Variants in FBXO11 observed in about 807,000 individuals in gnomAD.
FBXO11 encodes the protein F-box protein 11, also known as F-box only protein 11.
In FBXO11, 13 loss-of-function variants were observed where a neutral mutation model predicts 117.0. The observed-to-expected ratio is 0.11, with a 90% CI of 0.07 to 0.18. FBXO11 has a LOEUF of 0.18. Among genes scored for constraint, FBXO11 ranks in the 10% least tolerant of loss-of-function variants. The pLI is 1.00. For missense variants in FBXO11, 767 were observed against 1,164.4 expected, an observed-to-expected ratio of 0.66 and a Z score of 4.97; for synonymous variants, 490 against 380.5, an observed-to-expected ratio of 1.29 and a Z score of -3.35.
rs572883435 is a variant in FBXO11, at chr2:47,832,479, T to C, written c.1268A>G (p.Tyr423Cys). The C allele has an allele frequency of 6.2e-7, 1 of 1,613,062 alleles. No homozygotes were observed. Among genetic ancestry groups the C allele is most frequent in the East Asian group, 2.2e-5 (1 of 44,846 alleles). The part of the protein sequence containing the change: ...LYITDHAQGI[Y>C]EDNEISNNAL... ...ATTATTGGAAATTTCATTATCCTCATATATTCCCTACAACAAGTTATCAGA... is the reference window on the plus strand; with the variant it reads ...ATTATTGGAAATTTCATTATCCTCACATATTCCCTACAACAAGTTATCAGA... Residue 423 changes from tyrosine (Y) to cysteine (C), a missense_variant, in exon 11 of 23, where the codon TAT becomes TGT. By Grantham distance (194) the Tyr-to-Cys change is radical. This residue lies in a region of FBXO11 where 33 missense variants were observed against 66.1 expected (regional missense o/e 0.50). Coordinates refer to ENST00000403359, the MANE Select transcript of FBXO11 (RefSeq NM_001190274.2).
chr2:47,859,338 T>C (rs1674575233), intron 1 of FBXO11, among the ~76,000 whole-genome samples: 1 of 152,168 alleles, frequency 6.6e-6, no homozygotes, highest in Non-Finnish European at 1.5e-5. Flanking sequence ...TTTAGAGAAC[T>C]TGTGCCAAAG....
At chr2:47,861,761 G>A (rs913508709) in intron 1 of FBXO11, among the ~76,000 whole-genome samples, 3 of 152,132 alleles carry the variant, frequency 2.0e-5, no homozygotes, top group Admixed American at 2.0e-4. Flanking sequence ...ATACAAACAA[G>A]GATGACGGAT....
chr2:47,876,518 GAGTAT>G (rs991224710), intron 1 of FBXO11, among the ~76,000 whole-genome samples: 1 of 152,174 alleles, frequency 6.6e-6, no homozygotes, highest in Non-Finnish European at 1.5e-5. Context: ...TAGTTTAAAT[GAGTAT>G]AGAATCAAGG....
In FBXO11 at chr2:47,808,006, T is replaced by C. The variant is rs1670344536; in HGVS notation, c.*112A>G. On this transcript the variant is annotated 3_prime_UTR_variant, in exon 23 of 23. Coordinates refer to ENST00000403359, the MANE Select transcript of FBXO11 (RefSeq NM_001190274.2). ...AGTGTCAACTGACCTTGTGTATCCATTTTTAATACAGTCTCTTCCTGTAGC... is the reference window on the plus strand; with the variant it reads ...AGTGTCAACTGACCTTGTGTATCCACTTTTAATACAGTCTCTTCCTGTAGC... The C allele has an allele frequency of 5.0e-6, 5 of 997,238 alleles. No homozygotes were observed. 61.8% of individuals were successfully genotyped at this position (997,238 alleles called of 1,614,324 possible).
chr2:47,899,017 G>A (rs575957811), intron 1 of FBXO11, among the ~76,000 whole-genome samples: 1 of 152,174 alleles, frequency 6.6e-6, no homozygotes, highest in East Asian at 1.9e-4. Flanking sequence ...GCTCATGCCT[G>A]TAATCCCAGC....
At chr2:47,818,119 C>A (rs1476774894) in intron 16 of FBXO11, among the ~76,000 whole-genome samples, 2 of 152,006 alleles carry the variant, frequency 1.3e-5, no homozygotes, top group African/African-American at 2.4e-5. Flanking sequence ...CCGTCTCAAA[C>A]AAACAAAAAG....
At chr2:47,839,522 T>C (rs780980372) in intron 2 of FBXO11, 22 bp from the exon 3 acceptor site, 3 of 1,610,926 alleles carry the variant, frequency 1.9e-6, no homozygotes, top group Non-Finnish European at 2.5e-6. Flanking sequence ...AAACAGAAAC[T>C]AGTAAAGCAA....
Position 47,880,569 on chromosome 2 carries a change from G to T in FBXO11, c.232+24920C>A, listed in dbSNP as rs909548516. Reference sequence around the variant, plus strand: ...TTTCATTTGTTGAAGCTTGTTTGGCGTCTTTCACATAAACATTTCCTGCTA... The same window carrying T: ...TTTCATTTGTTGAAGCTTGTTTGGCTTCTTTCACATAAACATTTCCTGCTA... On this transcript the variant is annotated intron_variant, in intron 1 of 22. Transcript: ENST00000403359. Among the ~76,000 whole-genome samples the T allele has an allele frequency of 2.0e-5, 3 of 152,024 alleles. No homozygotes were observed. In the South Asian group the frequency reaches 6.2e-4, roughly 32 times the overall value.
intron 1 of FBXO11, among the ~76,000 whole-genome samples, chr2:47,886,711 T>C (rs981063209): frequency 3.9e-5 from 6 of 152,224 alleles, no homozygotes; most frequent in Middle Eastern, 6.8e-3. Context: ...TTTATACTGA[T>C]ACAGAAAAAT....
At chr2:47,842,812 A>T (rs1673114459) in intron 1 of FBXO11, among the ~76,000 whole-genome samples, 1 of 150,224 alleles carries the variant, frequency 6.7e-6, no homozygotes, top group Non-Finnish European at 1.5e-5. Context: ...ACAGGGTCTC[A>T]CTTTGTCACC....
In FBXO11 at chr2:47,905,571, C is replaced by T. The variant is rs1678733696; in HGVS notation, c.150G>A (p.Gln50=). ...GCGGAGGCTGCTGCTGCTGCTGCTG[C>T]TGCGGCGGCGGCGGAGGCTGCTGCT... is the stretch of plus-strand genomic sequence containing the variant. ...PPQQQPPPPP[Q]QQQQQQPPPP... is the part of the protein sequence containing the mutation. Residue 50 remains glutamine, a synonymous_variant, in exon 1 of 23, where the codon CAG becomes CAA. Transcript: ENST00000403359. 2 of 1,256,552 alleles carry T rather than the reference C, an allele frequency of 1.6e-6. No individual in the cohort carries two copies. Among genetic ancestry groups the T allele is most frequent in the Non-Finnish European group, 2.0e-6 (2 of 1,004,638 alleles). The allele number at this position is 1,256,552 out of a possible 1,614,324, so 77.8% of individuals were successfully genotyped here.
chr2:47,813,901 T>A (rs184378851), intron 16 of FBXO11, 34 bp from the exon 17 acceptor site: 1 of 1,445,054 alleles, frequency 6.9e-7, no homozygotes, highest in Non-Finnish European at 9.7e-7. Context: ...ACCATTTCAA[T>A]AGCTTCTACT....
At chr2:47,888,275 A>G (rs1677015742) in intron 1 of FBXO11, among the ~76,000 whole-genome samples, 1 of 152,198 alleles carries the variant, frequency 6.6e-6, no homozygotes, top group South Asian at 2.1e-4. Context: ...CATTATCATT[A>G]CTGACTGGGA....
At chr2:47,809,117 A>T (rs1670438546) in intron 21 of FBXO11, 41 bp downstream of exon 21, 1 of 1,247,456 alleles carries the variant, frequency 8.0e-7, no homozygotes, top group Non-Finnish European at 1.1e-6. Context: ...AAAGGAAATC[A>T]GTCTTCCTCT....
In FBXO11 at chr2:47,838,303, A is replaced by G. The variant is rs189165433; in HGVS notation, c.587+556T>C. Among the ~76,000 whole-genome samples, 129 of 152,240 alleles carry G rather than the reference A, an allele frequency of 8.5e-4. 1 individual carries two copies. The highest frequency in any genetic ancestry group is 2.9e-3 in the African/African-American group (122 of 41,538). ...TTATATCACAACTCTCCAAGTACACATTACACAGTTTATGTAGTTCATTCC... is the reference window on the plus strand; with the variant it reads ...TTATATCACAACTCTCCAAGTACACGTTACACAGTTTATGTAGTTCATTCC... On this transcript the variant is annotated intron_variant, in intron 4 of 22. Coordinates refer to ENST00000403359, the MANE Select transcript of FBXO11 (RefSeq NM_001190274.2).
At chr2:47,864,373 A>G (rs1675033317) in intron 1 of FBXO11, among the ~76,000 whole-genome samples, 1 of 152,212 alleles carries the variant, frequency 6.6e-6, no homozygotes, top group South Asian at 2.1e-4. Flanking sequence ...AGATCACCTG[A>G]GGTCAGGAGT....
chr2:47,810,282 A>G, intron 19 of FBXO11, 34 bp downstream of exon 19: 1 of 1,397,346 alleles, frequency 7.2e-7, no homozygotes, highest in Non-Finnish European at 1.0e-6. Flanking sequence ...GCAGAACTAT[A>G]TATAAGCCAC....
chr2:47,894,104 A>G (rs1677472096), intron 1 of FBXO11, among the ~76,000 whole-genome samples: 1 of 152,208 alleles, frequency 6.6e-6, no homozygotes, highest in Admixed American at 6.5e-5. Context: ...GGATACTTGT[A>G]TCATGAGGAA....
intron 21 of FBXO11, 21 bp from the exon 22 acceptor site, chr2:47,808,448 T>C: frequency 6.4e-7 from 1 of 1,558,914 alleles, no homozygotes; most frequent in Non-Finnish European, 8.7e-7. Context: ...AAAGCTTAAA[T>C]TACTTTTCTC....
Sources: gnomAD v4.1 joint callset for allele counts (sites outside exome capture counted in the v4.1 genomes callset) on GRCh38, gnomAD v4.1.1 for gene constraint, gnomAD v4.1.1 regional missense constraint, MANE v1.5 for transcripts, NCBI Gene and HGNC (gene_info 2026-07-23, HGNC 2026-07-21) for gene names.